Variants in FHIT observed in about 807,000 individuals in gnomAD.
The protein encoded by FHIT is fragile histidine triad diadenosine triphosphatase.
Under a neutral mutation model 17.9 loss-of-function variants are expected in FHIT, and 19 were observed. The observed-to-expected ratio is 1.06, with a 90% CI of 0.74 to 1.56. The LOEUF (loss-of-function observed/expected upper bound fraction) is 1.56. Ranked by LOEUF, FHIT falls within the 40% of genes most tolerant of loss-of-function variation. FHIT has a pLI of 0.00. For synonymous variants in FHIT, 81 were observed against 69.7 expected (o/e 1.16, Z -0.81); for missense variants, 248 against 189.2 (o/e 1.31, Z -1.82).
intron 5 of FHIT, among the ~76,000 whole-genome samples, chr3:60,024,985 AGAGATG>A (rs1700687084): frequency 6.6e-6 from 1 of 152,218 alleles, no homozygotes; most frequent in Non-Finnish European, 1.5e-5. Context: ...TGGTGGCAGT[AGAGATG>A]CAGAGAATTT....
intron 8 of FHIT, among the ~76,000 whole-genome samples, chr3:59,918,439 T>C (rs1705241672): frequency 6.6e-6 from 1 of 152,080 alleles, no homozygotes; most frequent in Admixed American, 6.6e-5. Flanking sequence ...CTATTACAGA[T>C]GAAATCAGAG....
intron 4 of FHIT, among the ~76,000 whole-genome samples, chr3:60,572,220 A>T (rs1286091352): frequency 1.3e-5 from 2 of 152,136 alleles, no homozygotes; most frequent in East Asian, 3.8e-4. Context: ...CTGCTTTGAA[A>T]CTGATATTCT....
intron 7 of FHIT, among the ~76,000 whole-genome samples, chr3:59,945,216 C>T (rs527744623): frequency 9.3e-4 from 142 of 152,250 alleles, no homozygotes; most frequent in African/African-American, 3.2e-3. Flanking sequence ...AATAGCCATT[C>T]TGAATGGTAT....
intron 8 of FHIT, among the ~76,000 whole-genome samples, chr3:59,772,250 A>G (rs17061186): frequency 1.7e-4 from 26 of 152,198 alleles, no homozygotes; most frequent in African/African-American, 5.1e-4. Context: ...CTTGAGCTCT[A>G]TCACTCCCTC....
chr3:60,010,748 CT>C (rs1165578669), intron 7 of FHIT, among the ~76,000 whole-genome samples: 16 of 152,168 alleles, frequency 1.1e-4, no homozygotes, highest in Admixed American at 6.5e-4. Context: ...GAAGCAGAGA[CT>C]ATCCTAATAA....
intron 5 of FHIT, among the ~76,000 whole-genome samples, chr3:60,297,759 A>G (rs1022519042): frequency 6.6e-6 from 1 of 152,092 alleles, no homozygotes; most frequent in Non-Finnish European, 1.5e-5. Flanking sequence ...CTCACACCAG[A>G]TTCTCCAACA....
intron 3 of FHIT, among the ~76,000 whole-genome samples, chr3:60,945,712 G>C (rs888980099): frequency 6.6e-6 from 1 of 152,174 alleles, no homozygotes; most frequent in African/African-American, 2.4e-5. Flanking sequence ...GGACTGTGGG[G>C]ATGGATACAG....
chr3:60,679,535 A>G (rs552751956), intron 4 of FHIT, among the ~76,000 whole-genome samples: 1 of 152,228 alleles, frequency 6.6e-6, no homozygotes, highest in South Asian at 2.1e-4. Flanking sequence ...TTCCCATATT[A>G]TTAGATATAA....
intron 4 of FHIT, among the ~76,000 whole-genome samples, chr3:60,558,428 A>G (rs768430151): frequency 4.6e-5 from 7 of 151,716 alleles, no homozygotes; most frequent in Non-Finnish European, 7.4e-5. Context: ...AGCCAAGCAG[A>G]TGAGGCAGAG....
intron 8 of FHIT, among the ~76,000 whole-genome samples, chr3:59,893,474 A>T (rs1193898508): frequency 6.6e-6 from 1 of 152,216 alleles, no homozygotes; most frequent in African/African-American, 2.4e-5. Context: ...GATCCCTAGA[A>T]CTGATCCTCA....
chr3:60,142,698 T>C (rs1700093013), intron 5 of FHIT, among the ~76,000 whole-genome samples: 1 of 151,462 alleles, frequency 6.6e-6, no homozygotes, highest in South Asian at 2.1e-4. Flanking sequence ...TTTTTTCTTT[T>C]TTTTTTTAAG....
chr3:60,744,258 C>CAAAAAAAAAAAAAAAA (rs371224955), intron 4 of FHIT, among the ~76,000 whole-genome samples: 1 of 95,616 alleles, frequency 1.0e-5, no homozygotes. Flanking sequence ...AAAAAAAAAA[C>CAAAAAAAAAAAAAAAA]AAAACAAAAC....
At chr3:61,160,968 G>A (rs1481343479) in intron 2 of FHIT, among the ~76,000 whole-genome samples, 2 of 152,126 alleles carry the variant, frequency 1.3e-5, no homozygotes, top group African/African-American at 4.8e-5. Flanking sequence ...TTTGCAGAGT[G>A]TAATAGAAAT....
intron 3 of FHIT, among the ~76,000 whole-genome samples, chr3:60,993,409 C>T (rs2030418347): frequency 6.6e-6 from 1 of 152,172 alleles, no homozygotes; most frequent in Non-Finnish European, 1.5e-5. Context: ...CTGCATTGTT[C>T]TTCAGTTGCT....
intron 4 of FHIT, among the ~76,000 whole-genome samples, chr3:60,608,780 A>G (rs978395153): frequency 1.3e-5 from 2 of 152,192 alleles, no homozygotes; most frequent in Admixed American, 6.5e-5. Flanking sequence ...TTTGCAAGTC[A>G]GTCAAAGTCA....
intron 3 of FHIT, among the ~76,000 whole-genome samples, chr3:60,843,573 A>G (rs923765383): frequency 2.6e-5 from 4 of 152,178 alleles, no homozygotes; most frequent in African/African-American, 9.7e-5. Flanking sequence ...GAAACTTTTG[A>G]GCATTTGCTC....
intron 5 of FHIT, among the ~76,000 whole-genome samples, chr3:60,020,838 G>A (rs1478060272): frequency 1.3e-5 from 2 of 152,148 alleles, no homozygotes; most frequent in Non-Finnish European, 2.9e-5. Flanking sequence ...AGTCAAAGTA[G>A]GCGGCATCTC....
chr3:59,998,610 C>T (rs1048528268), intron 7 of FHIT, among the ~76,000 whole-genome samples: 1 of 152,012 alleles, frequency 6.6e-6, no homozygotes, highest in African/African-American at 2.4e-5. Context: ...GGGAAACTGA[C>T]ACTTGGTGAA....
At chr3:60,830,134 C>T (rs1200975540) in intron 3 of FHIT, among the ~76,000 whole-genome samples, 3 of 152,082 alleles carry the variant, frequency 2.0e-5, no homozygotes, top group Non-Finnish European at 4.4e-5. Flanking sequence ...AGCCTGATCT[C>T]AAAGCCACCT....
Sources: gnomAD v4.1 joint callset for allele counts (sites outside exome capture counted in the v4.1 genomes callset) on GRCh38, gnomAD v4.1.1 for gene constraint, MANE v1.5 for transcripts, NCBI Gene and HGNC (gene_info 2026-07-23, HGNC 2026-07-21) for gene names.